CATSPERT: variants seen among roughly 807,000 people sequenced by gnomAD.
The protein encoded by CATSPERT is catsper channel auxiliary subunit tau, also known as cation channel sperm-associated targeting subunit tau.
At chr2:201,555,160 T>C in the CATSPERT span, 1 of 152,208 alleles carries the variant, frequency 6.6e-6, no homozygotes, top group Non-Finnish European at 1.5e-5. Flanking sequence ...CCATTTCATA[T>C]AGTATCCCCG....
At chr2:201,594,947 T>G in the CATSPERT span, among the ~76,000 whole-genome samples, 1 of 152,070 alleles carries the variant, frequency 6.6e-6, no homozygotes, top group African/African-American at 2.4e-5. Context: ...CTCGGAGTAA[T>G]TTGATTGTCT....
At chr2:201,513,731 A>T in the CATSPERT span, among the ~76,000 whole-genome samples, 1 of 152,246 alleles carries the variant, frequency 6.6e-6, no homozygotes, top group East Asian at 1.9e-4. Context: ...CATACACACT[A>T]TGGAATACTA....
chr2:201,493,228 A>G, the CATSPERT span: 4 of 1,536,518 alleles, frequency 2.6e-6, no homozygotes, highest in East Asian at 9.8e-5. Context: ...GTCTTTACAA[A>G]GCCTCTGACC....
chr2:201,527,696 T>C, the CATSPERT span, among the ~76,000 whole-genome samples: 1 of 151,966 alleles, frequency 6.6e-6, no homozygotes, highest in Non-Finnish European at 1.5e-5. Context: ...TAGGATAACT[T>C]GCTAGCCACA....
the CATSPERT span, chr2:201,601,609 G>T: frequency 1.2e-6 from 1 of 821,886 alleles, no homozygotes; most frequent in African/African-American, 1.8e-5. Context: ...AATACTGTAA[G>T]ATACCAAATA....
the CATSPERT span, among the ~76,000 whole-genome samples, chr2:201,581,148 G>A: frequency 6.6e-6 from 1 of 151,904 alleles, no homozygotes; most frequent in Non-Finnish European, 1.5e-5. Flanking sequence ...GCTCAGGCCT[G>A]TAATCCCAAC....
the CATSPERT span, among the ~76,000 whole-genome samples, chr2:201,529,547 C>T: frequency 6.6e-6 from 1 of 151,960 alleles, no homozygotes; most frequent in Non-Finnish European, 1.5e-5. Flanking sequence ...AGATATGGCC[C>T]AGAAGATAAA....
At chr2:201,509,085 T>C in the CATSPERT span, among the ~76,000 whole-genome samples, 1 of 150,864 alleles carries the variant, frequency 6.6e-6, no homozygotes, top group South Asian at 2.1e-4. Flanking sequence ...TTGTTTTCCA[T>C]AGTGGCTGCA....
At chr2:201,553,707 C>A in the CATSPERT span, 1 of 152,156 alleles carries the variant, frequency 6.6e-6, no homozygotes, top group South Asian at 2.1e-4. Context: ...CTTACATTAA[C>A]TTTAGCAACT....
At chr2:201,575,242 C>A in the CATSPERT span, 3 of 1,506,432 alleles carry the variant, frequency 2.0e-6, no homozygotes, top group Non-Finnish European at 2.7e-6. Context: ...GAATATATTA[C>A]ATGCACATAA....
the CATSPERT span, among the ~76,000 whole-genome samples, chr2:201,503,255 C>T: frequency 1.3e-5 from 2 of 151,960 alleles, no homozygotes; most frequent in African/African-American, 4.8e-5. Context: ...TTTAAAAATA[C>T]ATTTTATTAT....
the CATSPERT span, among the ~76,000 whole-genome samples, chr2:201,503,089 G>A: frequency 2.2e-4 from 33 of 151,704 alleles, no homozygotes; most frequent in Non-Finnish European, 3.5e-4. Flanking sequence ...TCATACTCAC[G>A]TTTCCTCTAC....
At chr2:201,608,816 CA>C in the CATSPERT span, among the ~76,000 whole-genome samples, 1,494 of 70,630 alleles carry the variant, frequency 0.021, 16 homozygotes, top group African/African-American at 0.063. Context: ...GATCCTGTCT[CA>C]AAAAAAAAAA....
the CATSPERT span, chr2:201,494,089 A>G: frequency 4.6e-6 from 7 of 1,535,078 alleles, no homozygotes; most frequent in Non-Finnish European, 5.2e-6. Context: ...ATTTTTAATT[A>G]TTTGACTTAA....
the CATSPERT span, among the ~76,000 whole-genome samples, chr2:201,538,496 T>C: frequency 6.6e-6 from 1 of 152,122 alleles, no homozygotes; most frequent in Non-Finnish European, 1.5e-5. Context: ...CAAAAGCATG[T>C]GTTCACTTAG....
the CATSPERT span, among the ~76,000 whole-genome samples, chr2:201,499,715 T>C: frequency 6.6e-6 from 1 of 151,792 alleles, no homozygotes; most frequent in Non-Finnish European, 1.5e-5. Flanking sequence ...CAGCCTATGG[T>C]CCCAGCTACT....
At chr2:201,559,438 T>C in the CATSPERT span, among the ~76,000 whole-genome samples, 1 of 152,348 alleles carries the variant, frequency 6.6e-6, no homozygotes, top group East Asian at 1.9e-4. Context: ...CCCTACGGGC[T>C]GCCCCTGGCA....
the CATSPERT span, among the ~76,000 whole-genome samples, chr2:201,581,477 AATATATATATATAT>A: frequency 0.33 from 4,820 of 14,824 alleles, 929 homozygotes; most frequent in South Asian, 0.5. Flanking sequence ...CACATTCCGG[AATATATATATATAT>A]ATATATATAT....
the CATSPERT span, chr2:201,618,970 G>A: frequency 6.2e-7 from 1 of 1,614,014 alleles, no homozygotes. Flanking sequence ...CTGGTTCAGG[G>A]CGTAAGGGAC....
Sources: allele counts gnomAD v4.1 joint callset (sites outside exome capture counted in the v4.1 genomes callset), GRCh38; gene constraint gnomAD v4.1.1; transcripts MANE v1.5; gene names NCBI Gene and HGNC (gene_info 2026-07-23, HGNC 2026-07-21).